The following DOK6 variants were observed in gnomAD, a reference collection of about 807,000 sequenced individuals.
DOK6 encodes docking protein 6, also known as downstream of tyrosine kinase 6.
A neutral mutation model predicts 44.0 loss-of-function variants in DOK6; 22 were observed. The ratio of observed to expected loss-of-function variants is 0.50; its 90% confidence interval spans 0.36 to 0.71. The LOEUF (loss-of-function observed/expected upper bound fraction) is 0.71. DOK6 is among the 30% of genes least tolerant of loss of function. The pLI is 0.00. For missense variants in DOK6, 340 were observed against 416.4 expected, an observed-to-expected ratio of 0.82 and a Z score of 1.60; for synonymous variants, 166 against 145.5, an observed-to-expected ratio of 1.14 and a Z score of -1.01.
chr18:69,630,172 A>G (rs1230133598), intron 3 of DOK6, among the ~76,000 whole-genome samples: 5 of 152,234 alleles, frequency 3.3e-5, no homozygotes, highest in African/African-American at 1.2e-4. Context: ...ATATAAGCCC[A>G]CCCTGTACAC....
chr18:69,464,654 A>G (rs1979877447), intron 1 of DOK6, among the ~76,000 whole-genome samples: 1 of 152,230 alleles, frequency 6.6e-6, no homozygotes. Context: ...CTGTAGCTAA[A>G]ACACTGCGGA....
At chr18:69,764,068 GATC>G (rs1202263549) in intron 7 of DOK6, among the ~76,000 whole-genome samples, 2 of 151,956 alleles carry the variant, frequency 1.3e-5, no homozygotes, top group African/African-American at 4.8e-5. Context: ...TTTGCTTTAG[GATC>G]ATTTTGACTG....
chr18:69,661,832 T>C (rs188609865), intron 3 of DOK6: 6 of 152,340 alleles, frequency 3.9e-5, no homozygotes, highest in Admixed American at 2.6e-4. Context: ...CTGTCACCAA[T>C]CACCCCTAAC....
At chr18:69,741,459 A>AT (rs1175843303) in intron 6 of DOK6, among the ~76,000 whole-genome samples, 2 of 152,112 alleles carry the variant, frequency 1.3e-5, no homozygotes, top group African/African-American at 4.8e-5. Context: ...TCCAGATACA[A>AT]TTTTTTTATA....
At chr18:69,751,171 T>G (rs1287999120) in intron 6 of DOK6, among the ~76,000 whole-genome samples, 4 of 152,212 alleles carry the variant, frequency 2.6e-5, no homozygotes, top group Non-Finnish European at 5.9e-5. Flanking sequence ...TGTTTTATTT[T>G]GATTTTGAGT....
intron 3 of DOK6, among the ~76,000 whole-genome samples, chr18:69,603,272 A>T (rs768577913): frequency 6.6e-6 from 1 of 152,240 alleles, no homozygotes. Flanking sequence ...AAAGGTTACA[A>T]GATGGCTTAC....
chr18:69,485,802 C>G (rs1274144944), intron 1 of DOK6, among the ~76,000 whole-genome samples: 1 of 151,876 alleles, frequency 6.6e-6, no homozygotes, highest in Non-Finnish European at 1.5e-5. Context: ...ATAGAATTTT[C>G]TGTCTCATTG....
intron 4 of DOK6, among the ~76,000 whole-genome samples, chr18:69,691,470 C>T (rs1443974327): frequency 6.6e-6 from 1 of 152,126 alleles, no homozygotes; most frequent in East Asian, 1.9e-4. Flanking sequence ...GGCTTCTCAC[C>T]TCACCCATGC....
At chr18:69,790,643 A>AATTTT (rs1820376761) in intron 7 of DOK6, among the ~76,000 whole-genome samples, 1 of 151,984 alleles carries the variant, frequency 6.6e-6, no homozygotes, top group African/African-American at 2.4e-5. Flanking sequence ...TCTTTTTAGA[A>AATTTT]ATTTTATTTT....
chr18:69,549,008 T>C (rs776082769), intron 1 of DOK6, among the ~76,000 whole-genome samples: 1 of 149,130 alleles, frequency 6.7e-6, no homozygotes, highest in Non-Finnish European at 1.5e-5. Flanking sequence ...GGCAGGAGAA[T>C]GGCGTGAACC....
At chr18:69,481,388 A>G (rs913725512) in intron 1 of DOK6, among the ~76,000 whole-genome samples, 8 of 151,534 alleles carry the variant, frequency 5.3e-5, no homozygotes, top group Non-Finnish European at 1.2e-4. Context: ...CCCACCCCAC[A>G]ACAGGCCCCA....
chr18:69,613,472 T>C (rs1234390146), intron 3 of DOK6, among the ~76,000 whole-genome samples: 2 of 152,186 alleles, frequency 1.3e-5, no homozygotes, highest in African/African-American at 2.4e-5. Context: ...GTTTGGTTAA[T>C]AGACTCTGCC....
At chr18:69,622,222 A>G (rs1432649639) in intron 3 of DOK6, among the ~76,000 whole-genome samples, 1 of 152,142 alleles carries the variant, frequency 6.6e-6, no homozygotes, top group Non-Finnish European at 1.5e-5. Flanking sequence ...TCATTGCCTT[A>G]TCTGTATTAC....
intron 7 of DOK6, among the ~76,000 whole-genome samples, chr18:69,775,328 T>C (rs1183002756): frequency 2.0e-5 from 3 of 151,984 alleles, no homozygotes; most frequent in African/African-American, 7.2e-5. Context: ...AAGATACTGT[T>C]AAACGTGACC....
At chr18:69,638,426 A>C (rs1164287388) in intron 3 of DOK6, among the ~76,000 whole-genome samples, 2 of 152,036 alleles carry the variant, frequency 1.3e-5, no homozygotes, top group Non-Finnish European at 2.9e-5. Context: ...TTTCAAACAC[A>C]TCAGGTGATT....
At chr18:69,763,363 C>G (rs924037947) in intron 7 of DOK6, among the ~76,000 whole-genome samples, 2 of 152,154 alleles carry the variant, frequency 1.3e-5, no homozygotes, top group Non-Finnish European at 2.9e-5. Flanking sequence ...CTCTAACTTC[C>G]TCTGTGCTTA....
In DOK6 at chr18:69,423,030, G is replaced by A. The variant is rs985471828; in HGVS notation, c.66+21720G>A. 1.1e-4 allele frequency among the ~76,000 whole-genome samples: 16 copies of A among 152,224 alleles called. No homozygotes were observed. The East Asian group carries it at 2.1e-3, about 20-fold the overall frequency. ...TTAACATAGAAAAATGTGGCCAGGC[G>A]CAGTGGCTCACAGATGTAATCCCGG... is the stretch of plus-strand genomic sequence containing the variant. On this transcript the variant is annotated intron_variant, in intron 1 of 7. Transcript: ENST00000382713.
chr18:69,623,709 A>T lies in DOK6; in HGVS notation c.289+24211A>T, dbSNP rs557727428. 3.3e-5 allele frequency among the ~76,000 whole-genome samples: 5 copies of T among 152,296 alleles called. No individual in the cohort carries two copies. In the East Asian group the frequency reaches 9.7e-4, roughly 29 times the overall value. On this transcript the variant is annotated intron_variant, in intron 3 of 7. Coordinates refer to ENST00000382713, the MANE Select transcript of DOK6 (RefSeq NM_152721.6). ...TACTGTGCTTCTCTTACAGTGTCCTACACTTTGAACTCATTTGAATCTCAT... is the reference window on the plus strand; with the variant it reads ...TACTGTGCTTCTCTTACAGTGTCCTTCACTTTGAACTCATTTGAATCTCAT...
intron 7 of DOK6, among the ~76,000 whole-genome samples, chr18:69,780,261 C>T (rs973033530): frequency 1.4e-4 from 22 of 152,170 alleles, no homozygotes; most frequent in Admixed American, 6.5e-4. Flanking sequence ...ATCTGATGCC[C>T]AGGATTTACC....
Sources: gnomAD v4.1 joint callset for allele counts (sites outside exome capture counted in the v4.1 genomes callset) on GRCh38, gnomAD v4.1.1 for gene constraint, MANE v1.5 for transcripts, NCBI Gene and HGNC (gene_info 2026-07-23, HGNC 2026-07-21) for gene names.